The following RELN variants were observed in gnomAD, a reference collection of about 807,000 sequenced individuals.
RELN encodes the protein reelin.
In RELN, 108 loss-of-function variants were observed where a neutral mutation model predicts 427.6. That is an observed-to-expected ratio of 0.25 (90% CI 0.22 to 0.30). The LOEUF is 0.30. Ranked by LOEUF, RELN falls within the 10% of genes least tolerant of loss-of-function variation. The pLI is 1.00. For missense variants in RELN, 3,715 were observed against 4,302.8 expected, an observed-to-expected ratio of 0.86 and a Z score of 3.82; for synonymous variants, 1,524 against 1,513.4, an observed-to-expected ratio of 1.01 and a Z score of -0.16.
chr7:103,555,347 C>A (rs1485986525), intron 38 of RELN, among the ~76,000 whole-genome samples: 1 of 152,170 alleles, frequency 6.6e-6, no homozygotes, highest in Non-Finnish European at 1.5e-5. Context: ...TAGAACAAAC[C>A]TGATGCTTTG....
chr7:103,619,813 C>T (rs1330079968), intron 20 of RELN, among the ~76,000 whole-genome samples: 1 of 152,070 alleles, frequency 6.6e-6, no homozygotes, highest in Non-Finnish European at 1.5e-5. Context: ...AATCAATCCT[C>T]ACAGCTCTTG....
chr7:103,545,824 T>C (rs10953388), intron 41 of RELN, among the ~76,000 whole-genome samples: 69,155 of 151,906 alleles, frequency 0.46, 19,324 homozygotes, highest in Non-Finnish European at 0.62. Context: ...TTAGTAGAGA[T>C]GGGGTTTCAC....
intron 19 of RELN, 136 bp downstream of exon 19, chr7:103,635,289 A>G (rs896028603): frequency 9.2e-6 from 8 of 866,176 alleles, no homozygotes; most frequent in Non-Finnish European, 1.4e-5. Context: ...GTAGTTTTTC[A>G]CTGCAAGACA....
At chr7:103,676,564 C>A (rs1419400885) in intron 11 of RELN, among the ~76,000 whole-genome samples, 1 of 152,208 alleles carries the variant, frequency 6.6e-6, no homozygotes, top group Non-Finnish European at 1.5e-5. Flanking sequence ...GATTATAAAT[C>A]ATGCTACTAT....
At chr7:103,898,512 G>C (rs565231724) in intron 2 of RELN, among the ~76,000 whole-genome samples, 109 of 151,954 alleles carry the variant, frequency 7.2e-4, no homozygotes, top group African/African-American at 2.4e-3. Flanking sequence ...TGTTTATATA[G>C]TGTCAAATTG....
At chr7:103,838,439 CT>C (rs1276949379) in intron 2 of RELN, among the ~76,000 whole-genome samples, 1 of 152,092 alleles carries the variant, frequency 6.6e-6, no homozygotes, top group African/African-American at 2.4e-5. Context: ...AAATGGTGTT[CT>C]TTTTCCCATG....
chr7:103,720,307 T>C (rs1276853759), intron 8 of RELN, among the ~76,000 whole-genome samples: 2 of 151,798 alleles, frequency 1.3e-5, no homozygotes, highest in Non-Finnish European at 2.9e-5. Flanking sequence ...AACTTGGGAG[T>C]CTTTTGGATA....
intron 8 of RELN, among the ~76,000 whole-genome samples, chr7:103,713,763 A>C (rs1212224064): frequency 6.6e-6 from 1 of 152,122 alleles, no homozygotes; most frequent in Non-Finnish European, 1.5e-5. Context: ...AAACACAGTA[A>C]AATCTTCTTT....
At chr7:103,639,013 T>C (rs1209989506) in intron 17 of RELN, among the ~76,000 whole-genome samples, 4 of 152,214 alleles carry the variant, frequency 2.6e-5, no homozygotes, top group African/African-American at 9.6e-5. Flanking sequence ...CCCAAAACTT[T>C]TTAGGACAAC....
intron 2 of RELN, among the ~76,000 whole-genome samples, chr7:103,878,762 A>G (rs1794541679): frequency 6.6e-6 from 1 of 152,244 alleles, no homozygotes; most frequent in Non-Finnish European, 1.5e-5. Flanking sequence ...CCTTGTCTTC[A>G]AGTAGATTCC....
intron 46 of RELN, among the ~76,000 whole-genome samples, chr7:103,533,255 G>C (rs758342709): frequency 6.6e-6 from 1 of 152,130 alleles, no homozygotes; most frequent in African/African-American, 2.4e-5. Flanking sequence ...TCAGCATCAC[G>C]TTTCTTTATA....
intron 27 of RELN, 118 bp from the exon 28 acceptor site, chr7:103,589,946 T>C (rs917178239): frequency 2.8e-6 from 2 of 718,394 alleles, no homozygotes; most frequent in Non-Finnish European, 2.5e-6. Flanking sequence ...TTTACAATGA[T>C]AGGAATTGTG....
At chr7:103,868,890 T>G (rs1365802936) in intron 2 of RELN, among the ~76,000 whole-genome samples, 1 of 152,162 alleles carries the variant, frequency 6.6e-6, no homozygotes, top group Non-Finnish European at 1.5e-5. Context: ...TTATACATAT[T>G]GTTTGCAGAG....
At chr7:103,562,694 C>T (rs979952469) in intron 34 of RELN, among the ~76,000 whole-genome samples, 3 of 152,128 alleles carry the variant, frequency 2.0e-5, no homozygotes, top group African/African-American at 4.8e-5. Context: ...TCAGCAGCAC[C>T]ATTCTAAGTA....
At chr7:103,791,993 T>C (rs140391475) in intron 3 of RELN, among the ~76,000 whole-genome samples, 6 of 152,258 alleles carry the variant, frequency 3.9e-5, no homozygotes, top group African/African-American at 1.4e-4. Flanking sequence ...ACATCATTAA[T>C]ATTAGGGAAA....
intron 6 of RELN, among the ~76,000 whole-genome samples, chr7:103,732,080 C>T (rs1337591579): frequency 6.6e-6 from 1 of 152,116 alleles, no homozygotes; most frequent in Non-Finnish European, 1.5e-5. Context: ...GGCTTGGAAA[C>T]TGCCTGCTTT....
chr7:103,989,041 C>T lies in RELN; in HGVS notation c.226+90G>A. On this transcript the variant is annotated intron_variant, in intron 1 of 64. Transcript: ENST00000428762. This position sits in a 1 kb window ranked among gnomAD's most constrained non-coding sequence, Gnocchi z 4.9. ...CCAGGGTTGTCATGGTTCTTGTTTC[C>T]AAGGCCCCTTGGAAGAAGGAAAGGG... The T allele has an allele frequency of 1.7e-6, 2 of 1,206,262 alleles. No homozygotes were observed. The highest frequency in any genetic ancestry group is 2.5e-6 in the Non-Finnish European group (2 of 814,078). The allele number at this position is 1,206,262 out of a possible 1,614,324, so 74.7% of individuals were successfully genotyped here. A position where few individuals can be genotyped will look rare whatever the true frequency, so the allele number is the denominator to read the frequency against.
chr7:103,893,678 G>A (rs1433558213), intron 2 of RELN, among the ~76,000 whole-genome samples: 1 of 152,094 alleles, frequency 6.6e-6, no homozygotes, highest in Non-Finnish European at 1.5e-5. Flanking sequence ...TAATACCACA[G>A]TCCAGAGCAG....
rs1218424240 is a variant in RELN at position 103,654,190 on chromosome 7, G to A, written c.1457C>T (p.Pro486Leu). The stretch of plus-strand genomic sequence containing the variant: ...TATGTCATTTTCATGAGAATTTCCA[G>A]GGTCACAAATTCCTCCTGCACAAAA... ...FYFVMGGICD[P>L]GNSHENDIIL... is the part of the protein sequence containing the mutation. The change falls in exon 13 of 65, where the codon CCT (proline) becomes CTT (leucine). Residue 486 changes from proline (P) to leucine (L), a missense_variant. Around this residue, in one of 4 missense-constraint regions of RELN, gnomAD observed 2,208 missense variants for 2,361.7 expected, o/e 0.93. Transcript: ENST00000428762. 2.5e-6 allele frequency: 4 copies of A among 1,610,316 alleles called. No individual in the cohort carries two copies. The highest frequency in any genetic ancestry group is 1.7e-5 in the Admixed American group (1 of 59,798).
Sources: allele counts gnomAD v4.1 joint callset (sites outside exome capture counted in the v4.1 genomes callset), GRCh38; gene constraint gnomAD v4.1.1; regional missense constraint gnomAD v4.1.1; non-coding constraint Gnocchi (gnomAD v3.1); transcripts MANE v1.5; gene names NCBI Gene and HGNC (gene_info 2026-07-23, HGNC 2026-07-21).